HDAC1: variants seen among roughly 807,000 people sequenced by gnomAD.
HDAC1 encodes protein deacetylase HDAC1.
In HDAC1, 18 loss-of-function variants were observed where a neutral mutation model predicts 65.5. That is an observed-to-expected ratio of 0.27 (90% CI 0.19 to 0.41). The LOEUF is 0.41. HDAC1 is among the 10% of genes least tolerant of loss of function. The probability of loss-of-function intolerance (pLI) is 1.00; values close to 1 mark genes in which losing one functional copy is unlikely to be tolerated. For synonymous variants in HDAC1, 211 were observed against 227.9 expected, an observed-to-expected ratio of 0.93 and a Z score of 0.67; for missense variants, 373 against 625.2, an observed-to-expected ratio of 0.60 and a Z score of 4.30.
At position 32,301,301 on chromosome 1, in the gene HDAC1, C is replaced by T. The variant is rs368579087; in HGVS notation, c.50-1320C>T. Among the ~76,000 whole-genome samples the T allele has an allele frequency of 7.9e-5, 12 of 152,078 alleles. No individual in the cohort carries two copies. The East Asian group carries it at 1.5e-3, about 20-fold the overall frequency. On this transcript the variant is annotated intron_variant, in intron 1 of 13. Transcript: ENST00000373548. ...CTGTACTAAAAATACAAAAAATTAG[C>T]TGGGCATGGTGGCAGGCGCCTGTAG... is the stretch of plus-strand genomic sequence containing the variant.
In HDAC1 at chr1:32,292,218, G is replaced by A. The variant is rs1640707466; in HGVS notation, c.49G>A (p.Gly17Arg). 8.4e-6 allele frequency: 13 copies of A among 1,548,794 alleles called. No homozygotes were observed. The highest frequency in any genetic ancestry group is 1.1e-5 in the Non-Finnish European group (13 of 1,146,364). ...GAGGAAAGTCTGTTACTACTACGAC[G>A]GTGAGCACCGTCCTCGCGGCGGGGG... Reference protein sequence around the residue: ...TRRKVCYYYDGDVGNYYYGQG... With the variant: ...TRRKVCYYYDRDVGNYYYGQG... Residue 17 changes from glycine to arginine, a missense_variant and splice_region_variant, in exon 1 of 14, where the codon GGG becomes AGG. Coordinates refer to ENST00000373548, the MANE Select transcript of HDAC1 (RefSeq NM_004964.3).
intron 3 of HDAC1, among the ~76,000 whole-genome samples, chr1:32,318,856 C>T (rs966418518): frequency 3.9e-5 from 6 of 152,082 alleles, no homozygotes; most frequent in African/African-American, 4.8e-5. Flanking sequence ...TGGTGGCTTA[C>T]GCCTGTAATC....
At chr1:32,317,690 C>T (rs984846619) in intron 3 of HDAC1, among the ~76,000 whole-genome samples, 40 of 152,012 alleles carry the variant, frequency 2.6e-4, no homozygotes, top group Admixed American at 1.8e-3. Flanking sequence ...TCTTTGCTAC[C>T]GACAACTCCA....
intron 3 of HDAC1, 50 bp downstream of exon 3, chr1:32,316,832 C>T: frequency 8.7e-7 from 1 of 1,150,524 alleles, no homozygotes; most frequent in Non-Finnish European, 1.3e-6. Context: ...TTGCATCTCC[C>T]TTTCCACTGT....
intron 1 of HDAC1, among the ~76,000 whole-genome samples, chr1:32,294,953 C>A (rs1023383550): frequency 6.6e-6 from 1 of 152,006 alleles, no homozygotes; most frequent in Non-Finnish European, 1.5e-5. Flanking sequence ...AGGCCTAAGC[C>A]ACTGTTTTTT....
chr1:32,326,455 G>A (rs745440381), intron 4 of HDAC1, among the ~76,000 whole-genome samples: 3 of 151,980 alleles, frequency 2.0e-5, no homozygotes, highest in Non-Finnish European at 4.4e-5. Context: ...GTGAGCCACC[G>A]CGCATGGCCT....
chr1:32,311,498 G>A (rs933734977), intron 2 of HDAC1, among the ~76,000 whole-genome samples: 2 of 151,716 alleles, frequency 1.3e-5, no homozygotes, highest in African/African-American at 4.8e-5. Context: ...CCCTGGCTTC[G>A]ATCTTGAACA....
At chr1:32,328,203 T>A (rs1641244946) in intron 6 of HDAC1, among the ~76,000 whole-genome samples, 2 of 152,246 alleles carry the variant, frequency 1.3e-5, no homozygotes, top group East Asian at 1.9e-4. Flanking sequence ...CTGCTTCTAT[T>A]AGCATGAATG....
intron 4 of HDAC1, among the ~76,000 whole-genome samples, chr1:32,326,012 G>C (rs570531485): frequency 6.6e-4 from 101 of 152,046 alleles, no homozygotes; most frequent in Middle Eastern, 3.4e-3. Flanking sequence ...GGGTGACAGA[G>C]TGAGACTCCA....
chr1:32,304,339 T>C (rs529276486), intron 2 of HDAC1, among the ~76,000 whole-genome samples: 11 of 152,278 alleles, frequency 7.2e-5, no homozygotes, highest in African/African-American at 2.6e-4. Flanking sequence ...GGAGCTTTTT[T>C]AGGTGTGAAG....
rs373818358 is a variant in HDAC1 at position 32,307,251 on chromosome 1, T to TA, written c.162+4527dup. Among the ~76,000 whole-genome samples, 455 of 151,002 alleles carry TA rather than the reference T, an allele frequency of 3.0e-3. 1 individual carries two copies. Among genetic ancestry groups the TA allele is most frequent in the African/African-American group, 9.5e-3 (393 of 41,242 alleles). Reference sequence around the variant, plus strand: ...CAAGAGTGAAACTCCTTCCCAAAAATAAAAAAAAAGAAGATTCATTCCTAC... The same window carrying TA: ...CAAGAGTGAAACTCCTTCCCAAAAATAAAAAAAAAAGAAGATTCATTCCTAC... On this transcript the variant is annotated intron_variant, in intron 2 of 13. Coordinates refer to ENST00000373548, the MANE Select transcript of HDAC1 (RefSeq NM_004964.3).
intron 1 of HDAC1, among the ~76,000 whole-genome samples, chr1:32,297,878 C>T (rs1298828105): frequency 6.7e-6 from 1 of 150,088 alleles, no homozygotes; most frequent in African/African-American, 2.5e-5. Context: ...CAACCTCCAC[C>T]TCCCAGGTTC....
At chr1:32,320,899 C>CAAAAAAAAAAAAAAA (rs1160071616) in intron 3 of HDAC1, among the ~76,000 whole-genome samples, 6 of 23,380 alleles carry the variant, frequency 2.6e-4, no homozygotes, top group African/African-American at 3.6e-4. Flanking sequence ...GACTCCATCT[C>CAAAAAAAAAAAAAAA]AAAAAAAAAA....
chr1:32,301,033 G>T (rs1337954747), intron 1 of HDAC1, among the ~76,000 whole-genome samples: 1 of 152,128 alleles, frequency 6.6e-6, no homozygotes, highest in Non-Finnish European at 1.5e-5. Flanking sequence ...GCCTACTCCA[G>T]TCTAGAGCAA....
chr1:32,306,702 C>A (rs1393832117), intron 2 of HDAC1, among the ~76,000 whole-genome samples: 1 of 151,996 alleles, frequency 6.6e-6, no homozygotes, highest in Non-Finnish European at 1.5e-5. Context: ...GACTGTGTTT[C>A]CTGTGTATTT....
intron 2 of HDAC1, among the ~76,000 whole-genome samples, chr1:32,315,079 G>T (rs955968015): frequency 1.8e-4 from 27 of 152,242 alleles, no homozygotes; most frequent in African/African-American, 6.5e-4. Flanking sequence ...AATTAGAGAG[G>T]CAGAGGGTCA....
intron 1 of HDAC1, among the ~76,000 whole-genome samples, chr1:32,300,034 G>C (rs1640824735): frequency 6.6e-6 from 1 of 152,036 alleles, no homozygotes; most frequent in Admixed American, 6.6e-5. Context: ...CTCCAGCCTG[G>C]GCGACAGAGC....
intron 2 of HDAC1, among the ~76,000 whole-genome samples, chr1:32,313,731 C>T (rs1223182078): frequency 6.6e-6 from 1 of 152,248 alleles, no homozygotes; most frequent in Non-Finnish European, 1.5e-5. Flanking sequence ...GCATATTCTC[C>T]CCATGTCTGT....
At chr1:32,298,629 T>C (rs937106481) in intron 1 of HDAC1, among the ~76,000 whole-genome samples, 1 of 152,232 alleles carries the variant, frequency 6.6e-6, no homozygotes, top group African/African-American at 2.4e-5. Flanking sequence ...TCACCTTACA[T>C]TTCAGATTTC....
Sources: allele counts gnomAD v4.1 joint callset (sites outside exome capture counted in the v4.1 genomes callset), GRCh38; gene constraint gnomAD v4.1.1; transcripts MANE v1.5; gene names NCBI Gene and HGNC (gene_info 2026-07-23, HGNC 2026-07-21).